The following SEMA6D variants were observed in gnomAD, a reference collection of about 807,000 sequenced individuals.
The protein encoded by SEMA6D is semaphorin-6D.
Under a neutral mutation model 106.6 loss-of-function variants are expected in SEMA6D, and 35 were observed. The observed-to-expected ratio is 0.33, with a 90% CI of 0.25 to 0.44. The LOEUF (loss-of-function observed/expected upper bound fraction) is 0.44, where lower values mean the gene tolerates loss of function less well. SEMA6D is among the 20% of genes least tolerant of loss of function. SEMA6D has a pLI of 1.00. For missense variants in SEMA6D, 1,185 were observed against 1,345.9 expected (o/e 0.88, Z 1.87); for synonymous variants, 499 against 487.7 (o/e 1.02, Z -0.31).
chr15:47,660,849 G>A (rs939831154), intron 4 of SEMA6D, among the ~76,000 whole-genome samples: 2 of 152,098 alleles, frequency 1.3e-5, no homozygotes, highest in Non-Finnish European at 2.9e-5. Flanking sequence ...ATGAAAATTT[G>A]AAATGAAATG....
At chr15:47,465,333 A>G (rs1394157397) in intron 2 of SEMA6D, among the ~76,000 whole-genome samples, 1 of 152,100 alleles carries the variant, frequency 6.6e-6, no homozygotes, top group African/African-American at 2.4e-5. Flanking sequence ...GCCCCTAAAT[A>G]TAGATGTTTG....
intron 3 of SEMA6D, among the ~76,000 whole-genome samples, chr15:47,536,138 A>C (rs2045155661): frequency 6.6e-6 from 1 of 152,144 alleles, no homozygotes; most frequent in African/African-American, 2.4e-5. Flanking sequence ...CCGGTAGATA[A>C]AGCTTTCATT....
chr15:47,535,516 C>A (rs1156703348), intron 3 of SEMA6D, among the ~76,000 whole-genome samples: 1 of 151,966 alleles, frequency 6.6e-6, no homozygotes, highest in Non-Finnish European at 1.5e-5. Flanking sequence ...TTCTGAAAAA[C>A]CGTTCTATTA....
chr15:47,351,927 G>T (rs2038341807), intron 1 of SEMA6D, among the ~76,000 whole-genome samples: 1 of 152,172 alleles, frequency 6.6e-6, no homozygotes, highest in African/African-American at 2.4e-5. Flanking sequence ...TTGACCAAAA[G>T]AAATGATGTG....
At chr15:47,623,231 T>C (rs1046101288) in intron 4 of SEMA6D, among the ~76,000 whole-genome samples, 4 of 152,174 alleles carry the variant, frequency 2.6e-5, no homozygotes, top group African/African-American at 9.7e-5. Flanking sequence ...ACTATTGCCC[T>C]GCCCAGTCTC....
intron 4 of SEMA6D, among the ~76,000 whole-genome samples, chr15:47,638,175 T>C (rs534151617): frequency 6.6e-6 from 1 of 152,278 alleles, no homozygotes; most frequent in African/African-American, 2.4e-5. Context: ...TAACAGTTTC[T>C]CTCTGGGACC....
chr15:47,437,671 C>A (rs1268179023), intron 2 of SEMA6D, among the ~76,000 whole-genome samples: 1 of 152,090 alleles, frequency 6.6e-6, no homozygotes, highest in African/African-American at 2.4e-5. Flanking sequence ...TTTTCTCTGA[C>A]TAAAGGAGAA....
chr15:47,337,736 T>C (rs539987993), intron 1 of SEMA6D, among the ~76,000 whole-genome samples: 47 of 152,116 alleles, frequency 3.1e-4, no homozygotes, highest in Non-Finnish European at 4.9e-4. Context: ...ATGAGTGTGC[T>C]CACACTCAGC....
chr15:47,627,383 G>A (rs75021978), intron 4 of SEMA6D, among the ~76,000 whole-genome samples: 8,763 of 152,156 alleles, frequency 0.058, 283 homozygotes, highest in African/African-American at 0.082. Flanking sequence ...AAACAAATCA[G>A]TTGATTAATT....
At chr15:47,411,598 A>T (rs1365604425) in intron 1 of SEMA6D, among the ~76,000 whole-genome samples, 1 of 152,178 alleles carries the variant, frequency 6.6e-6, no homozygotes, top group African/African-American at 2.4e-5. Context: ...ACAAAGTCTG[A>T]CATTTTCTAA....
chr15:47,256,248 A>G (rs1481976073), intron 1 of SEMA6D, among the ~76,000 whole-genome samples: 2 of 152,218 alleles, frequency 1.3e-5, no homozygotes. Context: ...AATTTCAAAA[A>G]TGTACTGAGA....
intron 1 of SEMA6D, among the ~76,000 whole-genome samples, chr15:47,280,106 C>T (rs2035041235): frequency 6.6e-6 from 1 of 151,952 alleles, no homozygotes. Flanking sequence ...GGAATGGTAC[C>T]AGTTCCTCCT....
chr15:47,760,365 G>A lies in SEMA6D; in HGVS notation c.171G>A (p.Leu57=). The part of the protein sequence containing the change: ...RPSGNESQHR[L]DFQLMLKIRD... The stretch of plus-strand genomic sequence containing the variant: ...CAGGCAATGAATCGCAGCACAGGCT[G>A]GACTTTCAGCTGATGTTGAAAATTC... The change falls in exon 3 of 19, where the codon CTG becomes CTA. Residue 57 remains leucine, a synonymous_variant. Transcript: ENST00000536845. 1 of 1,613,644 alleles carries A rather than the reference G, an allele frequency of 6.2e-7. No homozygotes were observed. Among genetic ancestry groups the A allele is most frequent in the Non-Finnish European group, 8.5e-7 (1 of 1,179,660 alleles).
At chr15:47,373,022 A>G (rs1227479606) in intron 1 of SEMA6D, among the ~76,000 whole-genome samples, 1 of 152,232 alleles carries the variant, frequency 6.6e-6, no homozygotes, top group Non-Finnish European at 1.5e-5. Flanking sequence ...CACAGGCATG[A>G]AATCTATCTC....
At chr15:47,526,840 G>A (rs555223767) in intron 3 of SEMA6D, among the ~76,000 whole-genome samples, 3 of 152,066 alleles carry the variant, frequency 2.0e-5, no homozygotes, top group Non-Finnish European at 2.9e-5. Context: ...GGGTTCAAGC[G>A]ATTCTCCTGC....
At chr15:47,698,190 C>T (rs1366371992) in intron 4 of SEMA6D, among the ~76,000 whole-genome samples, 1 of 151,992 alleles carries the variant, frequency 6.6e-6, no homozygotes, top group Non-Finnish European at 1.5e-5. Flanking sequence ...CCAAAAATAA[C>T]ACTTAAATAT....
intron 4 of SEMA6D, among the ~76,000 whole-genome samples, chr15:47,609,486 T>C (rs1417016574): frequency 6.6e-6 from 1 of 152,180 alleles, no homozygotes; most frequent in Admixed American, 6.5e-5. Context: ...TTTAGGTACG[T>C]ATTCGCTTAA....
intron 4 of SEMA6D, among the ~76,000 whole-genome samples, chr15:47,619,089 A>G (rs189834489): frequency 2.0e-5 from 3 of 152,046 alleles, no homozygotes; most frequent in Admixed American, 2.0e-4. Context: ...AAGCACAGGC[A>G]GTTGTGCAGG....
chr15:47,600,877 A>T (rs1235356066), exon 4 of SEMA6D: 2 of 152,144 alleles, frequency 1.3e-5, no homozygotes, highest in African/African-American at 4.8e-5. Flanking sequence ...TTTTGACCAG[A>T]CAAGCCAACC....
Sources: allele counts gnomAD v4.1 joint callset (sites outside exome capture counted in the v4.1 genomes callset), GRCh38; gene constraint gnomAD v4.1.1; transcripts MANE v1.5; gene names NCBI Gene and HGNC (gene_info 2026-07-23, HGNC 2026-07-21).